The following COL4A5 variants were observed in gnomAD, a reference collection of about 807,000 sequenced individuals.
COL4A5 encodes the protein collagen type IV alpha 5 chain.
COL4A5 carries 26 observed loss-of-function variants against 130.2 expected under a neutral mutation model. That is an observed-to-expected ratio of 0.20 (90% CI 0.15 to 0.28). COL4A5 has a LOEUF of 0.28. Among genes scored for constraint, COL4A5 ranks in the 10% least tolerant of loss-of-function variants. COL4A5 has a pLI of 1.00. For synonymous variants in COL4A5, 496 were observed against 439.6 expected (o/e 1.13, Z -1.60); for missense variants, 1,131 against 1,344.3 (o/e 0.84, Z 2.48).
intron 1 of COL4A5, among the ~76,000 whole-genome samples, chrX:108,525,104 A>G (rs1370233647): frequency 9.0e-6 from 1 of 111,075 alleles, no homozygotes; most frequent in African/African-American, 3.3e-5. Context: ...GAAGTCCCCA[A>G]CTATTTTTGA....
At chrX:108,673,194 T>A (rs911367447) in intron 42 of COL4A5, among the ~76,000 whole-genome samples, 7 of 111,833 alleles carry the variant, frequency 6.3e-5, no homozygotes, top group African/African-American at 2.3e-4. Context: ...ATTTGATCTT[T>A]AAAACATTCC....
rs140475199 is a variant in COL4A5, at chrX:108,555,088, A to G, written c.142-3976A>G. Among the ~76,000 whole-genome samples, 422 of 112,367 alleles carry G rather than the reference A, an allele frequency of 3.8e-3. 4 individuals are homozygous for G. The highest frequency in any genetic ancestry group is 0.013 in the African/African-American group (406 of 30,958). ...GACCCCTGATGAGATCAAGTTAACC[A>G]GTTGACAATGTAAAATCTGTGACAC... On this transcript the variant is annotated intron_variant, in intron 2 of 52. Transcript: ENST00000328300.
intron 1 of COL4A5, among the ~76,000 whole-genome samples, chrX:108,505,879 G>A (rs2065119420): frequency 8.9e-6 from 1 of 112,513 alleles, no homozygotes; most frequent in Admixed American, 9.4e-5. Flanking sequence ...ATATTGAAGA[G>A]ACTATAAATG....
At chrX:108,483,203 A>ATG (rs778401670) in intron 1 of COL4A5, among the ~76,000 whole-genome samples, 377 of 99,303 alleles carry the variant, frequency 3.8e-3, no homozygotes, top group African/African-American at 9.3e-3. Context: ...CTAATAGGAT[A>ATG]TGTGTGTGTG....
At chrX:108,583,586 G>C (rs1316485683) in intron 17 of COL4A5, among the ~76,000 whole-genome samples, 1 of 111,477 alleles carries the variant, frequency 9.0e-6, no homozygotes, top group Non-Finnish European at 1.9e-5. Context: ...AGGAAGGAAA[G>C]GCGTTACAAA....
rs371218494 is a variant in COL4A5, at chrX:108,508,168, C to G, written c.82-31578C>G. Among the ~76,000 whole-genome samples the G allele has an allele frequency of 6.2e-4, 69 of 111,045 alleles. 1 individual carries two copies. Among genetic ancestry groups the G allele is most frequent in the African/African-American group, 2.2e-3 (66 of 30,500 alleles). ...AGTCTTGGCCCAGAAGCTCCTTCAG[C>G]TGATAAACAACTTTGGCAAAGTTTC... On this transcript the variant is annotated intron_variant, in intron 1 of 52. Coordinates refer to ENST00000328300, the MANE Select transcript of COL4A5 (RefSeq NM_033380.3).
At chrX:108,483,078 T>C (rs1211888740) in intron 1 of COL4A5, among the ~76,000 whole-genome samples, 1 of 111,407 alleles carries the variant, frequency 9.0e-6, no homozygotes, top group Non-Finnish European at 1.9e-5. Context: ...CTAATCATAT[T>C]AAGCAGCCAA....
intron 36 of COL4A5, among the ~76,000 whole-genome samples, chrX:108,645,261 G>T (rs897546837): frequency 1.4e-4 from 16 of 110,947 alleles, no homozygotes; most frequent in Non-Finnish European, 2.3e-4. Flanking sequence ...AAAAAGAATT[G>T]CAAAAGATAA....
intron 44 of COL4A5, 119 bp downstream of exon 44, chrX:108,677,752 C>A: frequency 1.1e-6 from 1 of 907,156 alleles, no homozygotes; most frequent in Non-Finnish European, 1.6e-6. Context: ...ATGTGTGGCT[C>A]ACTGGCGAAT....
chrX:108,660,306 A>G (rs1418623842), intron 37 of COL4A5, among the ~76,000 whole-genome samples: 5 of 111,474 alleles, frequency 4.5e-5, no homozygotes, highest in Non-Finnish European at 9.4e-5. Flanking sequence ...ACCAATTTTC[A>G]TATTTACCAA....
chrX:108,465,135 A>G (rs961565131), intron 1 of COL4A5, among the ~76,000 whole-genome samples: 1 of 112,025 alleles, frequency 8.9e-6, no homozygotes, highest in Admixed American at 9.5e-5. Flanking sequence ...TTTTGTACAC[A>G]TAATTTTCAT....
chrX:108,451,058 T>G (rs749542116), intron 1 of COL4A5, among the ~76,000 whole-genome samples: 6 of 102,922 alleles, frequency 5.8e-5, no homozygotes, highest in Admixed American at 2.1e-4. Flanking sequence ...TGTGTTCTCA[T>G]TGTTCAATTC....
chrX:108,695,197 C>T, intron 51 of COL4A5, 70 bp from the exon 52 acceptor site: 1 of 1,168,420 alleles, frequency 8.6e-7, no homozygotes, highest in East Asian at 3.0e-5. Flanking sequence ...GCTCAGCACA[C>T]ATCTTTGGAT....
At chrX:108,561,807 G>T (rs1452353122) in intron 3 of COL4A5, among the ~76,000 whole-genome samples, 11 of 111,583 alleles carry the variant, frequency 9.9e-5, no homozygotes, top group Non-Finnish European at 1.9e-4. Flanking sequence ...GCTTAGATTT[G>T]GGGAGAATGT....
intron 1 of COL4A5, among the ~76,000 whole-genome samples, chrX:108,526,595 C>CTTTCTTT: frequency 3.0e-5 from 1 of 33,294 alleles, no homozygotes; most frequent in African/African-American, 1.3e-4. Context: ...CTCCCTCCCT[C>CTTTCTTT]CTTTCTTTCT....
chrX:108,695,307 C>T lies in COL4A5; in HGVS notation c.4862C>T (p.Ala1621Val), dbSNP rs572921687. The T allele has an allele frequency of 2.3e-5, 28 of 1,209,610 alleles. No homozygotes were observed. In the South Asian group the frequency reaches 4.8e-4, roughly 21 times the overall value. The change falls in exon 52 of 53, where the codon GCC becomes GTC. Residue 1621 changes from alanine (A) to valine (V), a missense_variant. Coordinates refer to ENST00000328300, the MANE Select transcript of COL4A5 (RefSeq NM_033380.3). Reference sequence around the variant, plus strand: ...GCAGAAGGCTCAGGTCAAGCCCTAGCCTCCCCTGGTTCCTGCTTGGAAGAG... The same window carrying T: ...GCAGAAGGCTCAGGTCAAGCCCTAGTCTCCCCTGGTTCCTGCTTGGAAGAG... ...AGAEGSGQAL[A>V]SPGSCLEEFR...
intron 10 of COL4A5, 139 bp from the exon 11 acceptor site, chrX:108,577,813 C>G: frequency 2.0e-6 from 1 of 507,470 alleles, no homozygotes; most frequent in South Asian, 3.7e-5. Context: ...AAATGTGTGT[C>G]TCTGACTAAA....
chrX:108,497,983 T>A (rs370630420), intron 1 of COL4A5, among the ~76,000 whole-genome samples: 2 of 111,896 alleles, frequency 1.8e-5, no homozygotes, highest in African/African-American at 6.5e-5. Context: ...TTCTTAATGA[T>A]TTTTTGATGA....
In COL4A5 at chrX:108,440,214, C is replaced by T. The variant is rs1277257336; in HGVS notation, c.81+8C>T. On this transcript the variant is annotated splice_region_variant and intron_variant, in intron 1 of 52. Transcript: ENST00000328300. ...CAGCCTGCAGAGGCTGCGGTAAGTC[C>T]TTCCTCCCCTCCCCCGCGCCCATCA... 2 of 1,151,970 alleles carry T rather than the reference C, an allele frequency of 1.7e-6. No individual in the cohort carries two copies. Among genetic ancestry groups the T allele is most frequent in the Admixed American group, 2.2e-5 (1 of 45,766 alleles). 94.9% of individuals were successfully genotyped at this position (1,151,970 alleles called of 1,213,427 possible). A position where few individuals can be genotyped will look rare whatever the true frequency, so the allele number is the denominator to read the frequency against.
Sources: allele counts gnomAD v4.1 joint callset (sites outside exome capture counted in the v4.1 genomes callset), GRCh38; gene constraint gnomAD v4.1.1; transcripts MANE v1.5; gene names NCBI Gene and HGNC (gene_info 2026-07-23, HGNC 2026-07-21).